Variants in SYNE1 observed in about 807,000 individuals in gnomAD.
SYNE1 encodes the protein nesprin-1.
A neutral mutation model predicts 1,111.0 loss-of-function variants in SYNE1; 616 were observed. That is an observed-to-expected ratio of 0.55 (90% CI 0.52 to 0.59). The LOEUF is 0.59. Ranked by LOEUF, SYNE1 falls within the 20% of genes least tolerant of loss-of-function variation. SYNE1 has a pLI of 0.00. For missense variants in SYNE1, 10,006 were observed against 10,417.0 expected, an observed-to-expected ratio of 0.96 and a Z score of 1.72; for synonymous variants, 3,855 against 3,825.8, an observed-to-expected ratio of 1.01 and a Z score of -0.28.
At chr6:152,535,655 T>C (rs747756352) in intron 4 of SYNE1, among the ~76,000 whole-genome samples, 8 of 152,082 alleles carry the variant, frequency 5.3e-5, no homozygotes, top group Non-Finnish European at 4.4e-5. Context: ...TTTGATAAAA[T>C]GAGAGAAAAT....
intron 63 of SYNE1, among the ~76,000 whole-genome samples, chr6:152,364,521 C>T (rs1225772068): frequency 6.6e-6 from 1 of 151,592 alleles, no homozygotes; most frequent in Non-Finnish European, 1.5e-5. Flanking sequence ...GTTATATTAC[C>T]ACATTGGCAC....
intron 3 of SYNE1, among the ~76,000 whole-genome samples, chr6:152,607,815 A>G (rs140623405): frequency 0.011 from 1,633 of 152,350 alleles, 25 homozygotes; most frequent in African/African-American, 0.038. Flanking sequence ...TGGATAAAGA[A>G]AATGTGGTAC....
chr6:152,318,763 A>G (rs897975123), intron 85 of SYNE1, 100 bp downstream of exon 85: 18 of 1,455,502 alleles, frequency 1.2e-5, no homozygotes, highest in Non-Finnish European at 1.6e-5. Flanking sequence ...TGGTTTTAAA[A>G]AAGGTTCCTA....
chr6:152,634,990 A>C (rs922609265), intron 2 of SYNE1, among the ~76,000 whole-genome samples: 1 of 152,212 alleles, frequency 6.6e-6, no homozygotes, highest in African/African-American at 2.4e-5. Context: ...TGAAAATGCC[A>C]CCAACCTTGC....
At position 152,352,254 on chromosome 6, in the gene SYNE1, T is replaced by A; in HGVS notation, c.11353A>T (p.Arg3785Trp). The change falls in exon 70 of 146, where the codon AGG (arginine) becomes TGG (tryptophan). Residue 3785 changes from arginine to tryptophan, a missense_variant. Arg to Trp is a moderately radical substitution (Grantham distance 101). This residue lies in a region of SYNE1 where 4,955 missense variants were observed against 5,017.2 expected (regional missense o/e 0.99). Coordinates refer to ENST00000367255, the MANE Select transcript of SYNE1 (RefSeq NM_182961.4). ...VKYLEEGEAE[R>W]LRKEIHDHME... ...TGATCATGAATCTCCTTTCTTAACC[T>A]CTCTGCCTCGCCTTCCTCCAAGTAT... 4.3e-6 allele frequency: 7 copies of A among 1,614,116 alleles called. No individual in the cohort carries two copies. Among genetic ancestry groups the A allele is most frequent in the Non-Finnish European group, 5.9e-6 (7 of 1,180,000 alleles).
At chr6:152,198,906 T>C (rs545871653) in intron 127 of SYNE1, among the ~76,000 whole-genome samples, 1 of 150,490 alleles carries the variant, frequency 6.6e-6, no homozygotes, top group South Asian at 2.1e-4. Context: ...TATGCAGACA[T>C]ATAAAGTGAG....
intron 30 of SYNE1, 80 bp downstream of exon 30, chr6:152,444,331 G>T: frequency 1.3e-6 from 2 of 1,507,138 alleles, no homozygotes; most frequent in South Asian, 1.1e-5. Flanking sequence ...CAAGCCAGTG[G>T]TTGTATTCTT....
intron 144 of SYNE1, among the ~76,000 whole-genome samples, chr6:152,131,676 G>C (rs2055730486): frequency 6.6e-6 from 1 of 152,058 alleles, no homozygotes; most frequent in Non-Finnish European, 1.5e-5. Flanking sequence ...GGCTTAGCTT[G>C]AGAGTCAACA....
Position 152,277,997 on chromosome 6 carries a change from C to T in SYNE1, c.18573+92G>A, listed in dbSNP as rs769147142. The T allele has an allele frequency of 1.1e-5, 15 of 1,423,918 alleles. No homozygotes were observed. In the Admixed American group the frequency reaches 1.2e-4, roughly 11 times the overall value. The allele number at this position is 1,423,918 out of a possible 1,614,324, so 88.2% of individuals were successfully genotyped here. On this transcript the variant is annotated intron_variant, in intron 98 of 145. Coordinates refer to ENST00000367255, the MANE Select transcript of SYNE1 (RefSeq NM_182961.4). Reference sequence around the variant, plus strand: ...AGGTACACACACAAGTACGCGTCACCGCCAACCTGTTCCTTTACCTGGCAA... The same window carrying T: ...AGGTACACACACAAGTACGCGTCACTGCCAACCTGTTCCTTTACCTGGCAA...
At position 152,471,609 on chromosome 6, in the gene SYNE1, T is replaced by C. The variant is rs748783234; in HGVS notation, c.1620A>G (p.Leu540=). 1 of 1,613,886 alleles carries C rather than the reference T, an allele frequency of 6.2e-7. No homozygotes were observed. The highest frequency in any genetic ancestry group is 8.5e-7 in the Non-Finnish European group (1 of 1,179,818). The change falls in exon 16 of 146, where the codon CTA becomes CTG. Residue 540 remains leucine (L), a synonymous_variant. Transcript: ENST00000367255. ...YGRRESVEQL[L]QNYVSFIENS... is the part of the protein sequence containing the mutation. Reference sequence around the variant, plus strand: ...ACGGGGGACTCACCACGTAGTTTTGTAGAAGCTGCTCCACTGACTCTCTCC... The same window carrying C: ...ACGGGGGACTCACCACGTAGTTTTGCAGAAGCTGCTCCACTGACTCTCTCC...
chr6:152,300,627 CA>C lies in SYNE1; in HGVS notation c.17682+13del, dbSNP rs2095118160. 1.2e-6 allele frequency: 2 copies of C among 1,613,980 alleles called. No homozygotes were observed. The highest frequency in any genetic ancestry group is 1.7e-6 in the Non-Finnish European group (2 of 1,180,026). On this transcript the variant is annotated intron_variant, in intron 93 of 145. Coordinates refer to ENST00000367255, the MANE Select transcript of SYNE1 (RefSeq NM_182961.4). The stretch of plus-strand genomic sequence containing the variant: ...CCAGAGATTATTGCTAGAGGAATGC[CA>C]ACTGGGAGGTACCTGGTTAACAGAA...
At chr6:152,376,678 T>C in intron 57 of SYNE1, 98 bp downstream of exon 57, 1 of 1,565,362 alleles carries the variant, frequency 6.4e-7, no homozygotes, top group Non-Finnish European at 8.7e-7. Flanking sequence ...ATATATTTAA[T>C]GCTGAACTAA....
intron 73 of SYNE1, among the ~76,000 whole-genome samples, chr6:152,344,998 A>C (rs2096605620): frequency 6.6e-6 from 1 of 152,208 alleles, no homozygotes. Flanking sequence ...AGACAATAGA[A>C]GCAATCATTG....
intron 66 of SYNE1, among the ~76,000 whole-genome samples, chr6:152,356,191 G>A (rs984556940): frequency 4.0e-5 from 6 of 151,722 alleles, no homozygotes; most frequent in African/African-American, 1.5e-4. Flanking sequence ...CTCTGCCATT[G>A]TAGTATGAAA....
At chr6:152,558,039 A>G (rs1213618057) in intron 3 of SYNE1, among the ~76,000 whole-genome samples, 2 of 152,196 alleles carry the variant, frequency 1.3e-5, no homozygotes, top group African/African-American at 2.4e-5. Flanking sequence ...AAAGATGTAA[A>G]TTGTGACATT....
At chr6:152,223,215 C>T (rs1488624521) in intron 117 of SYNE1, among the ~76,000 whole-genome samples, 1 of 152,176 alleles carries the variant, frequency 6.6e-6, no homozygotes, top group Non-Finnish European at 1.5e-5. Context: ...TTTAAATTTA[C>T]TATCCTCAGA....
In SYNE1 at chr6:152,296,164, G is replaced by T. The variant is rs1008922765; in HGVS notation, c.17683-2037C>A. On this transcript the variant is annotated intron_variant, in intron 93 of 145. Coordinates refer to ENST00000367255, the MANE Select transcript of SYNE1 (RefSeq NM_182961.4). The stretch of plus-strand genomic sequence containing the variant: ...CAGCTTCTTCTCTTTGACAAAAAAT[G>T]ATGAATTTTCATCCCTTCCCTTGCC... 5.9e-5 allele frequency among the ~76,000 whole-genome samples: 9 copies of T among 152,288 alleles called. No homozygotes were observed. In the South Asian group the frequency reaches 6.2e-4, roughly 11 times the overall value.
Position 152,325,089 on chromosome 6 carries a change from T to C in SYNE1, c.15652A>G (p.Asn5218Asp). The C allele has an allele frequency of 6.2e-7, 1 of 1,613,944 alleles. No individual in the cohort carries two copies. Among genetic ancestry groups the C allele is most frequent in the South Asian group, 1.1e-5 (1 of 91,066 alleles). The stretch of plus-strand genomic sequence containing the variant: ...CCATGGACAGTGGAAACTACCTTGT[T>C]GTTAAAGCCCGTCCACTCATCCACT... Reference protein sequence around the residue: ...DAVDEWTGFNNKVKKATEMID... With the variant: ...DAVDEWTGFNDKVKKATEMID... Residue 5218 changes from asparagine (N) to aspartate (D), a missense_variant, in exon 81 of 146, where the codon AAC (asparagine) becomes GAC (aspartate). Physicochemically the swap from Asn to Asp is conservative, Grantham distance 23. Transcript: ENST00000367255.
intron 76 of SYNE1, 164 bp downstream of exon 76, chr6:152,336,677 C>A: frequency 1.1e-6 from 1 of 900,660 alleles, no homozygotes; most frequent in Non-Finnish European, 1.8e-6. Flanking sequence ...TGGACTTGTG[C>A]TTGTCCATAA....
Sources: gnomAD v4.1 joint callset for allele counts (sites outside exome capture counted in the v4.1 genomes callset) on GRCh38, gnomAD v4.1.1 for gene constraint, gnomAD v4.1.1 regional missense constraint, MANE v1.5 for transcripts, NCBI Gene and HGNC (gene_info 2026-07-23, HGNC 2026-07-21) for gene names.